CCP110: variants seen among roughly 807,000 people sequenced by gnomAD.
CCP110 encodes the protein centriolar coiled-coil protein of 110 kDa.
Under a neutral mutation model 105.5 loss-of-function variants are expected in CCP110, and 43 were observed. The observed-to-expected ratio is 0.41, with a 90% CI of 0.32 to 0.53. CCP110 has a LOEUF of 0.53. Among genes scored for constraint, CCP110 ranks in the 20% least tolerant of loss-of-function variants. The probability of loss-of-function intolerance (pLI) is 0.32; values close to 1 mark genes in which losing one functional copy is unlikely to be tolerated. For missense variants in CCP110, 1,016 were observed against 1,189.1 expected (o/e 0.85, Z 2.14); for synonymous variants, 353 against 392.1 (o/e 0.90, Z 1.18).
intron 4 of CCP110, among the ~76,000 whole-genome samples, chr16:19,539,924 CA>C (rs1451854834): frequency 6.6e-6 from 1 of 151,880 alleles, no homozygotes; most frequent in Non-Finnish European, 1.5e-5. Context: ...TTCAGCCTCC[CA>C]AGTAGCTGAG....
intron 3 of CCP110, among the ~76,000 whole-genome samples, chr16:19,533,261 G>A (rs546923395): frequency 2.0e-5 from 3 of 152,192 alleles, no homozygotes; most frequent in South Asian, 2.1e-4. Flanking sequence ...TGAACCTTAA[G>A]GGTTCATTTC....
At chr16:19,550,432 T>G (rs1014161901) in intron 14 of CCP110, among the ~76,000 whole-genome samples, 26 of 152,278 alleles carry the variant, frequency 1.7e-4, no homozygotes, top group Admixed American at 5.9e-4. Context: ...GGATTACAGG[T>G]GTAAGCCACC....
At position 19,533,800 on chromosome 16, in the gene CCP110, AAG is replaced by A. The variant is rs372958660; in HGVS notation, c.270+1261_270+1262del. Among the ~76,000 whole-genome samples, 13 of 152,316 alleles carry A rather than the reference AAG, an allele frequency of 8.5e-5. No individual in the cohort carries two copies. The South Asian group carries it at 1.9e-3, about 22-fold the overall frequency. On this transcript the variant is annotated intron_variant, in intron 3 of 14. Coordinates refer to ENST00000381396, the Ensembl canonical transcript of CCP110. ...AGGAATTTCCTTGTGAGCAATTTGC[AAG>A]AGAGTCTACCTGGGTAGATAGGTGG...
At chr16:19,527,156 T>C (rs1000446236) in intron 1 of CCP110, 2 of 152,166 alleles carry the variant, frequency 1.3e-5, no homozygotes, top group African/African-American at 4.8e-5. Flanking sequence ...CAATAAAATA[T>C]AATTAATATC....
exon 6 of CCP110, chr16:19,541,908 A>C: frequency 6.3e-7 from 1 of 1,592,752 alleles, no homozygotes; most frequent in Non-Finnish European, 8.5e-7. Flanking sequence ...GCAGGAGAAA[A>C]TGTTAAAAGA....
At chr16:19,526,636 G>A (rs1969682779) in intron 1 of CCP110, 1 of 152,000 alleles carries the variant, frequency 6.6e-6, no homozygotes, top group East Asian at 1.9e-4. Flanking sequence ...AGAAAAAATA[G>A]CATTATATCT....
intron 1 of CCP110, among the ~76,000 whole-genome samples, chr16:19,524,613 C>A (rs1385318810): frequency 1.3e-5 from 2 of 152,110 alleles, no homozygotes. Flanking sequence ...ATCGATTGCC[C>A]CTGGAGCTGC....
chr16:19,543,525 C>A (rs1026631587), intron 8 of CCP110, among the ~76,000 whole-genome samples: 1 of 152,122 alleles, frequency 6.6e-6, no homozygotes, highest in Non-Finnish European at 1.5e-5. Flanking sequence ...CAGCGTTTTT[C>A]AGGGAACAAG....
chr16:19,532,217 C>T (rs530214723), intron 2 of CCP110, among the ~76,000 whole-genome samples, 199 bp from the exon 3 acceptor site: 3 of 152,286 alleles, frequency 2.0e-5, no homozygotes, highest in African/African-American at 2.4e-5. Context: ...GTATAACTCA[C>T]ACCCACACAG....
intron 5 of CCP110, 44 bp downstream of exon 5, chr16:19,540,831 C>T: frequency 6.3e-7 from 1 of 1,584,166 alleles, no homozygotes; most frequent in Non-Finnish European, 8.6e-7. Flanking sequence ...TGAAATTTAG[C>T]CAAGGATACC....
exon 2 of CCP110, chr16:19,527,914 T>C (rs1289831253): frequency 6.2e-7 from 1 of 1,613,652 alleles, no homozygotes; most frequent in South Asian, 1.1e-5. Flanking sequence ...GTGAAAAAAG[T>C]CTTGCCAGAA....
intron 3 of CCP110, 146 bp downstream of exon 3, chr16:19,532,690 A>AT (rs1969917004): frequency 1.6e-6 from 1 of 631,616 alleles, no homozygotes; most frequent in African/African-American, 1.9e-5. Context: ...GTGATTTTCC[A>AT]TTTCAGTTAC....
chr16:19,543,285 C>T (rs531489330), intron 8 of CCP110, among the ~76,000 whole-genome samples: 1 of 152,140 alleles, frequency 6.6e-6, no homozygotes, highest in Non-Finnish European at 1.5e-5. Flanking sequence ...ACTTCAATTG[C>T]TGAACATAAA....
rs768184226 is a variant in CCP110 at position 19,536,787 on chromosome 16, C to T, written c.1118C>T (p.Pro373Leu). The change falls in exon 4 of 15, where the codon CCT becomes CTT. Residue 373 changes from proline to leucine, a missense_variant. Pro to Leu is a moderately conservative substitution (Grantham distance 98). Transcript: ENST00000381396. ...CCTAGTCCAGAGCCAAGTATGAGTCCTAAAATGCACCGAAGACGTTCCAGG... is the reference window on the plus strand; with the variant it reads ...CCTAGTCCAGAGCCAAGTATGAGTCTTAAAATGCACCGAAGACGTTCCAGG... 2 of 1,614,068 alleles carry T rather than the reference C, an allele frequency of 1.2e-6. No individual in the cohort carries two copies. Among genetic ancestry groups the T allele is most frequent in the East Asian group, 4.5e-5 (2 of 44,868 alleles).
intron 1 of CCP110, among the ~76,000 whole-genome samples, 197 bp downstream of exon 1, chr16:19,524,285 C>T (rs1200233911): frequency 6.6e-6 from 1 of 152,102 alleles, no homozygotes; most frequent in African/African-American, 2.4e-5. Flanking sequence ...GGTGATGCTC[C>T]GATGCTGGCC....
intron 1 of CCP110, 117 bp downstream of exon 1, chr16:19,524,205 C>T (rs1280484121): frequency 6.6e-6 from 1 of 152,412 alleles, no homozygotes; most frequent in Non-Finnish European, 1.5e-5. Context: ...GCTCCCGGGC[C>T]TCGAGCCCCC....
intron 4 of CCP110, among the ~76,000 whole-genome samples, chr16:19,540,182 G>A (rs1424654497): frequency 1.3e-5 from 2 of 152,090 alleles, no homozygotes; most frequent in East Asian, 3.8e-4. Flanking sequence ...TAAATATCTG[G>A]AATTTTAACG....
chr16:19,544,136 G>A (rs1048228494), intron 8 of CCP110, among the ~76,000 whole-genome samples: 11 of 152,152 alleles, frequency 7.2e-5, no homozygotes, highest in African/African-American at 2.4e-4. Flanking sequence ...ACGCCCAGCA[G>A]TAAAATTCCT....
Position 19,532,551 on chromosome 16 carries a change from G to A in CCP110, c.270+7G>A. 1 of 1,574,440 alleles carries A rather than the reference G, an allele frequency of 6.4e-7. No individual in the cohort carries two copies. The highest frequency in any genetic ancestry group is 1.2e-5 in the South Asian group (1 of 83,892). ...GATTCTTGACAATGTTCAGGTGTGT[G>A]ATTTTAGCTGTTTCAGTTATAATAA... On this transcript the variant is annotated splice_region_variant and intron_variant, in intron 3 of 14. Coordinates refer to ENST00000381396, the Ensembl canonical transcript of CCP110.
Sources: gnomAD v4.1 joint callset for allele counts (sites outside exome capture counted in the v4.1 genomes callset) on GRCh38, gnomAD v4.1.1 for gene constraint, MANE v1.5 for transcripts, NCBI Gene and HGNC (gene_info 2026-07-23, HGNC 2026-07-21) for gene names.